Variants in TMEM164 observed in about 807,000 individuals in gnomAD.
The protein encoded by TMEM164 is RP13-360B22.2.
Under a neutral mutation model 18.8 loss-of-function variants are expected in TMEM164, and 4 were observed. The ratio of observed to expected loss-of-function variants is 0.21; its 90% CI spans 0.10 to 0.49. The LOEUF (loss-of-function observed/expected upper bound fraction) is 0.49. Ranked by LOEUF, TMEM164 falls within the 20% of genes least tolerant of loss-of-function variation. The pLI is 0.98. For synonymous variants in TMEM164, 86 were observed against 101.7 expected (o/e 0.85, Z 0.93); for missense variants, 108 against 239.9 (o/e 0.45, Z 3.63).
At chrX:110,113,216 A>G (rs1303361439) in intron 4 of TMEM164, among the ~76,000 whole-genome samples, 2 of 112,584 alleles carry the variant, frequency 1.8e-5, no homozygotes, top group Non-Finnish European at 3.8e-5. Flanking sequence ...GCTGTCTCTT[A>G]ACTAGTGATT....
intron 4 of TMEM164, among the ~76,000 whole-genome samples, chrX:110,119,497 A>G (rs983558651): frequency 8.9e-6 from 1 of 111,942 alleles, no homozygotes; most frequent in Non-Finnish European, 1.9e-5. Flanking sequence ...AGCAGTAACA[A>G]CTATTAACAT....
At chrX:110,032,830 C>T (rs954762332) in intron 2 of TMEM164, among the ~76,000 whole-genome samples, 1 of 111,955 alleles carries the variant, frequency 8.9e-6, no homozygotes, top group African/African-American at 3.2e-5. Context: ...GAAATACAGT[C>T]TCCTGATGAC....
At chrX:110,091,444 T>A (rs2065927927) in intron 3 of TMEM164, among the ~76,000 whole-genome samples, 1 of 112,378 alleles carries the variant, frequency 8.9e-6, no homozygotes, top group African/African-American at 3.2e-5. Flanking sequence ...TGATTTGCAT[T>A]TCTCTGATGG....
At chrX:110,037,984 A>ATTTTTTTTTTTTTTTTT (rs1036705725) in intron 2 of TMEM164, among the ~76,000 whole-genome samples, 1 of 72,712 alleles carries the variant, frequency 1.4e-5, no homozygotes, top group African/African-American at 6.1e-5. Context: ...CTTTGGACTC[A>ATTTTTTTTTTTTTTTTT]TTTTTTTTTT....
At chrX:110,102,457 C>T (rs762830322) in intron 3 of TMEM164, among the ~76,000 whole-genome samples, 1 of 112,067 alleles carries the variant, frequency 8.9e-6, no homozygotes, top group East Asian at 2.8e-4. Context: ...CCTTTCCAGC[C>T]ATCCAGAGAA....
intron 4 of TMEM164, among the ~76,000 whole-genome samples, chrX:110,121,057 G>C (rs1292343117): frequency 8.9e-6 from 1 of 111,768 alleles, no homozygotes; most frequent in African/African-American, 3.3e-5. Flanking sequence ...TTTCAGACAA[G>C]TTATAAAGAA....
chrX:110,111,798 A>G (rs1343766414), intron 4 of TMEM164, among the ~76,000 whole-genome samples: 2 of 112,435 alleles, frequency 1.8e-5, no homozygotes, highest in Non-Finnish European at 3.8e-5. Flanking sequence ...ATGCTCCATT[A>G]CATACCTGAA....
At chrX:110,061,038 A>AC (rs1936101263) in intron 2 of TMEM164, among the ~76,000 whole-genome samples, 1 of 112,360 alleles carries the variant, frequency 8.9e-6, no homozygotes, top group South Asian at 3.7e-4. Context: ...AGGCAGCTGG[A>AC]CAAGGGAAGT....
At chrX:110,181,993 A>G (rs576621177), downstream of TMEM164, among the ~76,000 whole-genome samples, 1 of 111,567 alleles carries the variant, frequency 9.0e-6, no homozygotes, top group South Asian at 3.8e-4. Flanking sequence ...GACAGGTGAT[A>G]CCTCAGTTTA....
intron 4 of TMEM164, among the ~76,000 whole-genome samples, chrX:110,116,875 T>G (rs779061840): frequency 1.9e-4 from 18 of 93,280 alleles, no homozygotes; most frequent in East Asian, 6.5e-4. Context: ...TGTGTGTGTG[T>G]GGTGTGTGTG....
intron 3 of TMEM164, among the ~76,000 whole-genome samples, chrX:110,079,214 C>A (rs888509012): frequency 8.9e-6 from 1 of 111,793 alleles, no homozygotes; most frequent in African/African-American, 3.3e-5. Context: ...GAGGAATGAG[C>A]AGGAGCATTT....
downstream of TMEM164, chrX:110,182,448 A>G: frequency 9.0e-6 from 1 of 111,459 alleles, no homozygotes. Context: ...ACCGTGCCAA[A>G]TGACAGGGAA....
chrX:110,104,115 T>A (rs953804540), intron 3 of TMEM164, among the ~76,000 whole-genome samples: 2 of 111,974 alleles, frequency 1.8e-5, no homozygotes, highest in Admixed American at 9.5e-5. Context: ...ACACAATCTA[T>A]TACAAAAAGT....
chrX:110,027,849 T>G (rs1245426699), intron 2 of TMEM164, among the ~76,000 whole-genome samples: 1 of 112,320 alleles, frequency 8.9e-6, no homozygotes, highest in Non-Finnish European at 1.9e-5. Context: ...TCATACTGCC[T>G]TTGTCAGGTT....
At chrX:110,178,798 C>T (rs1330913927), downstream of TMEM164, among the ~76,000 whole-genome samples, 3 of 112,592 alleles carry the variant, frequency 2.7e-5, no homozygotes, top group Admixed American at 9.3e-5. Context: ...AGCTGACTGG[C>T]AATGCTGTCC....
chrX:110,077,973 C>T (rs1277253071), intron 3 of TMEM164, among the ~76,000 whole-genome samples: 1 of 111,514 alleles, frequency 9.0e-6, no homozygotes, highest in Non-Finnish European at 1.9e-5. Context: ...CAGGAGTTCT[C>T]TGAATTTCTG....
At chrX:110,072,622 T>C (rs2065611445) in intron 3 of TMEM164, among the ~76,000 whole-genome samples, 1 of 111,635 alleles carries the variant, frequency 9.0e-6, no homozygotes, top group Non-Finnish European at 1.9e-5. Flanking sequence ...TTTTGTGTTC[T>C]CTCCTCTGTA....
intron 2 of TMEM164, among the ~76,000 whole-genome samples, chrX:110,026,088 A>T (rs1934172393): frequency 8.9e-6 from 1 of 112,686 alleles, no homozygotes; most frequent in South Asian, 3.6e-4. Context: ...TATTCAAAAA[A>T]TATTAGTTAC....
In TMEM164 at chrX:110,174,352, T is replaced by A. The variant is rs1384477806; in HGVS notation, c.*901T>A. On this transcript the variant is annotated 3_prime_UTR_variant, in exon 7 of 7. Coordinates refer to ENST00000372068, the MANE Select transcript of TMEM164 (RefSeq NM_032227.4). ...CCCTTAAATGTGTTCCCTCTCCCTT[T>A]CCCTCTCCCCCCACCCCTCCCCCTC... is the stretch of plus-strand genomic sequence containing the variant. 1.1e-5 allele frequency: 1 copy of A among 94,581 alleles called. No homozygotes were observed. Among genetic ancestry groups the A allele is most frequent in the Non-Finnish European group, 2.1e-5 (1 of 47,068 alleles). 7.8% of individuals were successfully genotyped at this position (94,581 alleles called of 1,213,427 possible).
Sources: gnomAD v4.1 joint callset for allele counts (sites outside exome capture counted in the v4.1 genomes callset) on GRCh38, gnomAD v4.1.1 for gene constraint, MANE v1.5 for transcripts, NCBI Gene and HGNC (gene_info 2026-07-23, HGNC 2026-07-21) for gene names.